The following MAP3K20 variants were observed in gnomAD, a reference collection of about 807,000 sequenced individuals.
MAP3K20 encodes the protein mitogen-activated protein kinase kinase kinase 20.
MAP3K20 carries 40 observed loss-of-function variants against 85.7 expected under a neutral mutation model. The observed-to-expected ratio is 0.47, with a 90% CI of 0.36 to 0.61. MAP3K20 has a LOEUF of 0.61. Among genes scored for constraint, MAP3K20 ranks in the 20% least tolerant of loss-of-function variants. The pLI is 0.00. For missense variants in MAP3K20, 817 were observed against 961.7 expected (o/e 0.85, Z 1.99); for synonymous variants, 325 against 327.7 (o/e 0.99, Z 0.09).
intron 2 of MAP3K20, among the ~76,000 whole-genome samples, chr2:173,120,030 C>T (rs1239746253): frequency 6.6e-6 from 1 of 152,150 alleles, no homozygotes; most frequent in African/African-American, 2.4e-5. Flanking sequence ...CCCCCTCCCT[C>T]CCTGCCTTCC....
chr2:173,262,020 G>GAA (rs34274087), intron 18 of MAP3K20, among the ~76,000 whole-genome samples: 15 of 138,972 alleles, frequency 1.1e-4, no homozygotes, highest in Non-Finnish European at 7.8e-5. Context: ...CCTGTCTCCA[G>GAA]AAAAAAAAAA....
intron 11 of MAP3K20, chr2:173,227,237 A>C: frequency 1.6e-6 from 1 of 630,230 alleles, no homozygotes; most frequent in Non-Finnish European, 2.0e-6. Context: ...ACGCATGCAA[A>C]CAAGTGTTAG....
At chr2:173,083,724 G>A (rs568881714) in intron 1 of MAP3K20, among the ~76,000 whole-genome samples, 6 of 152,210 alleles carry the variant, frequency 3.9e-5, no homozygotes, top group African/African-American at 1.4e-4. Context: ...TGATGACAAA[G>A]CACATATTAT....
chr2:173,244,658 C>A (rs1684873789), intron 16 of MAP3K20, among the ~76,000 whole-genome samples: 2 of 152,326 alleles, frequency 1.3e-5, no homozygotes, highest in Admixed American at 1.3e-4. Context: ...CTATATAAAA[C>A]AGTCCTAGAA....
chr2:173,197,229 G>A (rs2106283250), intron 7 of MAP3K20, among the ~76,000 whole-genome samples: 1 of 152,270 alleles, frequency 6.6e-6, no homozygotes, highest in Non-Finnish European at 1.5e-5. Flanking sequence ...CCATTACTCA[G>A]TGTTTCAAGA....
intron 3 of MAP3K20, among the ~76,000 whole-genome samples, chr2:173,173,006 C>G (rs922761288): frequency 6.6e-6 from 1 of 152,058 alleles, no homozygotes; most frequent in South Asian, 2.1e-4. Flanking sequence ...CCATGTTGGG[C>G]AGGATAGTCT....
intron 2 of MAP3K20, among the ~76,000 whole-genome samples, chr2:173,163,185 G>C (rs1339360266): frequency 6.6e-6 from 1 of 152,204 alleles, no homozygotes; most frequent in Admixed American, 6.5e-5. Flanking sequence ...GGTAAATTGT[G>C]TGTCATGGGC....
At chr2:173,080,538 C>T (rs1278823192) in intron 1 of MAP3K20, among the ~76,000 whole-genome samples, 1 of 152,222 alleles carries the variant, frequency 6.6e-6, no homozygotes, top group African/African-American at 2.4e-5. Context: ...AAAAAGTGAA[C>T]TCCTGAGATA....
At chr2:173,227,073 CATTTT>C (rs1412232688) in intron 11 of MAP3K20, 23 of 985,734 alleles carry the variant, frequency 2.3e-5, no homozygotes, top group Non-Finnish European at 3.6e-6. Context: ...TCATACATTT[CATTTT>C]GATGTGAACT....
intron 10 of MAP3K20, chr2:173,214,627 C>T (rs1184264719): frequency 1.3e-5 from 2 of 152,024 alleles, no homozygotes; most frequent in Non-Finnish European, 2.9e-5. Flanking sequence ...TACAAATTGA[C>T]CTTTTATTTC....
chr2:173,235,440 T>C (rs72625241), intron 14 of MAP3K20, among the ~76,000 whole-genome samples: 14,705 of 152,234 alleles, frequency 0.097, 1,360 homozygotes, highest in East Asian at 0.55. Context: ...CTGATATGTG[T>C]GGCAGCATAG....
intron 2 of MAP3K20, among the ~76,000 whole-genome samples, chr2:173,138,654 G>GTCTT (rs1688873995): frequency 1.3e-5 from 2 of 152,266 alleles, no homozygotes; most frequent in African/African-American, 4.8e-5. Context: ...AAGGGCCCAG[G>GTCTT]TCTTTGGTTT....
chr2:173,225,033 A>T, intron 11 of MAP3K20: 1 of 984,400 alleles, frequency 1.0e-6, no homozygotes, highest in Non-Finnish European at 1.2e-6. Context: ...TGAATCTCTC[A>T]GTTGTGGGAA....
intron 2 of MAP3K20, among the ~76,000 whole-genome samples, chr2:173,102,742 G>A (rs1367230479): frequency 3.3e-5 from 5 of 152,130 alleles, no homozygotes; most frequent in Admixed American, 6.5e-5. Context: ...CTGATCTCAC[G>A]ACATTTTAAA....
chr2:173,118,201 A>C (rs990456203), intron 2 of MAP3K20, among the ~76,000 whole-genome samples: 3 of 152,122 alleles, frequency 2.0e-5, no homozygotes, highest in Non-Finnish European at 4.4e-5. Flanking sequence ...ACGTTAGGTT[A>C]TTTTCTTAGT....
chr2:173,103,667 C>G (rs964619264), intron 2 of MAP3K20, among the ~76,000 whole-genome samples: 1 of 152,200 alleles, frequency 6.6e-6, no homozygotes, highest in Admixed American at 6.5e-5. Flanking sequence ...CGCATAGATT[C>G]TCTATTCAAG....
chr2:173,196,434 C>T (rs11888948), intron 7 of MAP3K20, among the ~76,000 whole-genome samples: 1 of 152,198 alleles, frequency 6.6e-6, no homozygotes, highest in East Asian at 1.9e-4. Flanking sequence ...TTACCTTTTC[C>T]TAATCACTTG....
intron 9 of MAP3K20, among the ~76,000 whole-genome samples, chr2:173,207,043 G>C (rs1683710763): frequency 9.3e-6 from 1 of 107,894 alleles, no homozygotes; most frequent in Admixed American, 1.2e-4. Flanking sequence ...TCGGGGGCGG[G>C]GTGGTGATGT....
At chr2:173,134,680 C>T (rs1469745452) in intron 2 of MAP3K20, among the ~76,000 whole-genome samples, 1 of 151,374 alleles carries the variant, frequency 6.6e-6, no homozygotes, top group East Asian at 1.9e-4. Flanking sequence ...ATACTTCCTC[C>T]ATGTGGCAGC....
Sources: allele counts gnomAD v4.1 joint callset (sites outside exome capture counted in the v4.1 genomes callset), GRCh38; gene constraint gnomAD v4.1.1; transcripts MANE v1.5; gene names NCBI Gene and HGNC (gene_info 2026-07-23, HGNC 2026-07-21).